The following MRC2 variants were observed in gnomAD, a reference collection of about 807,000 sequenced individuals.
The protein encoded by MRC2 is C-type mannose receptor 2.
In MRC2, 84 loss-of-function variants were observed where a neutral mutation model predicts 206.2. The ratio of observed to expected loss-of-function variants is 0.41; its 90% CI spans 0.34 to 0.49. The LOEUF is 0.49. MRC2 is among the 20% of genes least tolerant of loss of function. The probability of loss-of-function intolerance (pLI) is 0.31; values close to 1 mark genes in which losing one functional copy is unlikely to be tolerated. For synonymous variants in MRC2, 798 were observed against 800.0 expected (o/e 1.00, Z 0.04); for missense variants, 1,676 against 2,001.5 (o/e 0.84, Z 3.10).
intron 1 of MRC2, among the ~76,000 whole-genome samples, chr17:62,663,924 T>C (rs187459321): frequency 7.8e-4 from 118 of 151,626 alleles, no homozygotes; most frequent in Non-Finnish European, 1.4e-3. Context: ...TTCAGAAAAG[T>C]ATACAGGTGA....
Position 62,690,866 on chromosome 17 carries a change from G to A in MRC2, c.4013-83G>A, listed in dbSNP as rs186029049. ...CCTGGGGCTTGTCGGGGGACAGGGAGTCGGTTCTAGAACACACCTGCTCTC... is the reference window on the plus strand; with the variant it reads ...CCTGGGGCTTGTCGGGGGACAGGGAATCGGTTCTAGAACACACCTGCTCTC... On this transcript the variant is annotated intron_variant, in intron 27 of 29. Coordinates refer to ENST00000303375, the MANE Select transcript of MRC2 (RefSeq NM_006039.5). 1,250 of 1,488,494 alleles carry A rather than the reference G, an allele frequency of 8.4e-4. 11 individuals are homozygous for A. In the African/African-American group the frequency reaches 0.016, roughly 19 times the overall value. 92.2% of individuals were successfully genotyped at this position (1,488,494 alleles called of 1,614,324 possible).
intron 1 of MRC2, among the ~76,000 whole-genome samples, chr17:62,646,945 G>A (rs1174685860): frequency 6.6e-6 from 1 of 151,994 alleles, no homozygotes; most frequent in Non-Finnish European, 1.5e-5. Flanking sequence ...AGTTGTTCTG[G>A]AACCCTGATG....
intron 20 of MRC2, among the ~76,000 whole-genome samples, chr17:62,687,614 A>T (rs1356626332): frequency 2.0e-5 from 3 of 152,246 alleles, no homozygotes; most frequent in Admixed American, 2.0e-4. Context: ...GAAAGTGGGA[A>T]AAGAGAAATG....
At chr17:62,641,881 G>T (rs945692433) in intron 1 of MRC2, among the ~76,000 whole-genome samples, 1 of 137,700 alleles carries the variant, frequency 7.3e-6, no homozygotes, top group African/African-American at 2.8e-5. Flanking sequence ...TGCCACATTT[G>T]CTTATCTCAC....
At chr17:62,658,881 G>A (rs1302084120) in intron 1 of MRC2, among the ~76,000 whole-genome samples, 1 of 152,216 alleles carries the variant, frequency 6.6e-6, no homozygotes, top group African/African-American at 2.4e-5. Context: ...GCTTGGGCAG[G>A]CATGGATCAA....
chr17:62,686,557 C>T (rs944703045), intron 20 of MRC2, among the ~76,000 whole-genome samples: 2 of 152,328 alleles, frequency 1.3e-5, no homozygotes, highest in African/African-American at 2.4e-5. Flanking sequence ...CCCCGCTGCT[C>T]ACCTCCTAAG....
intron 18 of MRC2, 57 bp from the exon 19 acceptor site, chr17:62,681,780 G>C: frequency 7.2e-7 from 1 of 1,387,126 alleles, no homozygotes; most frequent in South Asian, 1.2e-5. Context: ...TGCTGCATCC[G>C]GTGGAGGCCC....
intron 12 of MRC2, 145 bp from the exon 13 acceptor site, chr17:62,678,359 T>TCATTAAA: frequency 3.0e-5 from 34 of 1,133,900 alleles, no homozygotes; most frequent in Admixed American, 3.0e-4. Flanking sequence ...CCTCTGCAGA[T>TCATTAAA]GAACAGGATT....
At position 62,667,066 on chromosome 17, in the gene MRC2, A is replaced by G. The variant is rs561534835; in HGVS notation, c.973+196A>G. Among the ~76,000 whole-genome samples, 44 of 152,078 alleles carry G rather than the reference A, an allele frequency of 2.9e-4. No homozygotes were observed. The South Asian group carries it at 4.1e-3, about 14-fold the overall frequency. ...TGCCCCAGGCCGAAGGTCTTGGTGC[A>G]TATGGACTGGGTGCCAGCCTCCACT... On this transcript the variant is annotated intron_variant, in intron 5 of 29. Coordinates refer to ENST00000303375, the MANE Select transcript of MRC2 (RefSeq NM_006039.5). This position sits in a 1 kb window ranked among gnomAD's most constrained non-coding sequence, Gnocchi z 4.1.
Position 62,678,529 on chromosome 17 carries a change from A to T in MRC2, c.2078A>T (p.Asp693Val), listed in dbSNP as rs1278749384. The T allele has an allele frequency of 1.2e-6, 2 of 1,612,354 alleles. No individual in the cohort carries two copies. Among genetic ancestry groups the T allele is most frequent in the African/African-American group, 2.7e-5 (2 of 74,850 alleles). ...YKVFSSERLQ[D>V]KKSWVQAQGA... is the part of the protein sequence containing the mutation. Reference sequence around the variant, plus strand: ...GTGTTCAGCTCAGAGCGGCTGCAGGACAAGAAGAGCTGGGTCCAGGCCCAG... The same window carrying T: ...GTGTTCAGCTCAGAGCGGCTGCAGGTCAAGAAGAGCTGGGTCCAGGCCCAG... The change falls in exon 13 of 30, where the codon GAC becomes GTC. Residue 693 changes from aspartate to valine, a missense_variant. Physicochemically the swap from Asp to Val is radical, Grantham distance 152 (BLOSUM62 -3). Around this residue, in one of 3 missense-constraint regions of MRC2, gnomAD observed 1,354 missense variants for 1,636.6 expected, o/e 0.83. Transcript: ENST00000303375.
intron 20 of MRC2, among the ~76,000 whole-genome samples, chr17:62,686,096 T>C (rs978316848): frequency 2.0e-5 from 3 of 152,166 alleles, no homozygotes; most frequent in African/African-American, 7.2e-5. Flanking sequence ...AGGCATTAGA[T>C]TCTCATAAGG....
At chr17:62,689,812 C>G in intron 24 of MRC2, 52 bp downstream of exon 24, 1 of 1,534,082 alleles carries the variant, frequency 6.5e-7, no homozygotes, top group Non-Finnish European at 8.8e-7. Flanking sequence ...GGGTTCCCCT[C>G]CCTGCCCCTT....
chr17:62,666,331 GC>G lies in MRC2; in HGVS notation c.694+68del, dbSNP rs2088754216. 1.3e-6 allele frequency: 2 copies of G among 1,556,070 alleles called. No individual in the cohort carries two copies. The highest frequency in any genetic ancestry group is 1.7e-6 in the Non-Finnish European group (2 of 1,154,900). On this transcript the variant is annotated intron_variant, in intron 3 of 29. Coordinates refer to ENST00000303375, the MANE Select transcript of MRC2 (RefSeq NM_006039.5). This position sits in a 1 kb window ranked among gnomAD's most constrained non-coding sequence, Gnocchi z 5.0. The stretch of plus-strand genomic sequence containing the variant: ...CCTGGAGGGAGGCTGGTGCTGAGGG[GC>G]CCCGGGGCCCAGGGTGAGATACTGC...
intron 1 of MRC2, among the ~76,000 whole-genome samples, chr17:62,642,129 G>A (rs2088413022): frequency 6.6e-6 from 1 of 152,082 alleles, no homozygotes; most frequent in Admixed American, 6.6e-5. Flanking sequence ...GTCCTTTATA[G>A]CTGTTTTAAA....
intron 1 of MRC2, among the ~76,000 whole-genome samples, chr17:62,638,063 A>G (rs986736879): frequency 2.6e-5 from 4 of 152,030 alleles, no homozygotes; most frequent in Admixed American, 6.5e-5. Context: ...GGGTCTTCCT[A>G]TGTTGCCCAA....
chr17:62,630,573 G>A (rs957174924), intron 1 of MRC2, among the ~76,000 whole-genome samples: 1 of 152,166 alleles, frequency 6.6e-6, no homozygotes, highest in Non-Finnish European at 1.5e-5. Context: ...AGAGGTGCCT[G>A]GGAGGCCAGA....
In MRC2 at chr17:62,671,215, C is replaced by T. The variant is rs1463335464; in HGVS notation, c.1118-434C>T. Among the ~76,000 whole-genome samples, 6 of 152,174 alleles carry T rather than the reference C, an allele frequency of 3.9e-5. No homozygotes were observed. Among genetic ancestry groups the T allele is most frequent in the Admixed American group, 6.5e-5 (1 of 15,274 alleles). ...GCCTCCTGAGTAGCGGGACCACAGG[C>T]GCACATCACCATGCCTGGCTAATTT... is the stretch of plus-strand genomic sequence containing the variant. On this transcript the variant is annotated intron_variant, in intron 6 of 29. Transcript: ENST00000303375. This position sits in a 1 kb window ranked among gnomAD's most constrained non-coding sequence, Gnocchi z 4.5.
chr17:62,682,899 C>T (rs927503267), intron 20 of MRC2, among the ~76,000 whole-genome samples: 17 of 152,150 alleles, frequency 1.1e-4, no homozygotes, highest in African/African-American at 4.1e-4. Context: ...CCTTGGCCTC[C>T]CAAAGTGCTG....
intron 22 of MRC2, 53 bp downstream of exon 22, chr17:62,688,717 G>A (rs2147492882): frequency 5.0e-6 from 8 of 1,599,766 alleles, no homozygotes; most frequent in Non-Finnish European, 6.8e-6. Context: ...AAGCCTGTGG[G>A]GCTGCCTTTG....
Sources: allele counts gnomAD v4.1 joint callset (sites outside exome capture counted in the v4.1 genomes callset), GRCh38; gene constraint gnomAD v4.1.1; regional missense constraint gnomAD v4.1.1; non-coding constraint Gnocchi (gnomAD v3.1); transcripts MANE v1.5; gene names NCBI Gene and HGNC (gene_info 2026-07-23, HGNC 2026-07-21).